The following ZMYM2 variants were observed in gnomAD, a reference collection of about 807,000 sequenced individuals.
The protein encoded by ZMYM2 is zinc finger MYM-type protein 2.
Under a neutral mutation model 162.8 loss-of-function variants are expected in ZMYM2, and 56 were observed. That is an observed-to-expected ratio of 0.34 (90% CI 0.28 to 0.43). ZMYM2 has a LOEUF of 0.43. Ranked by LOEUF, ZMYM2 falls within the 20% of genes least tolerant of loss-of-function variation. The pLI is 1.00. For synonymous variants in ZMYM2, 510 were observed against 541.6 expected (o/e 0.94, Z 0.81); for missense variants, 1,275 against 1,621.8 (o/e 0.79, Z 3.67).
intron 21 of ZMYM2, among the ~76,000 whole-genome samples, chr13:20,074,453 C>G (rs1211480470): frequency 6.6e-6 from 1 of 151,992 alleles, no homozygotes; most frequent in Non-Finnish European, 1.5e-5. Context: ...CCAGTCTGGT[C>G]TCGAACTCCT....
intron 2 of ZMYM2, among the ~76,000 whole-genome samples, chr13:19,979,150 G>T (rs908323157): frequency 6.6e-6 from 1 of 152,056 alleles, no homozygotes; most frequent in Non-Finnish European, 1.5e-5. Context: ...AGGATTCCTT[G>T]AACCAGATGA....
chr13:20,019,354 A>T (rs749941610), intron 6 of ZMYM2, among the ~76,000 whole-genome samples, 193 bp from the exon 7 acceptor site: 5 of 152,130 alleles, frequency 3.3e-5, no homozygotes, highest in Non-Finnish European at 5.9e-5. Flanking sequence ...TTCTAAGATA[A>T]AATTATTTGA....
chr13:19,906,928 G>A, the ZMYM2 span, among the ~76,000 whole-genome samples: 1 of 152,068 alleles, frequency 6.6e-6, no homozygotes, highest in African/African-American at 2.4e-5. Flanking sequence ...GTCTCATTAT[G>A]TTGCCCAGGC....
chr13:19,991,304 G>A (rs1364108175), intron 2 of ZMYM2, among the ~76,000 whole-genome samples: 1 of 151,962 alleles, frequency 6.6e-6, no homozygotes, highest in Non-Finnish European at 1.5e-5. Flanking sequence ...GTATTTAGTA[G>A]ATTTGAGGTC....
intron 7 of ZMYM2, among the ~76,000 whole-genome samples, chr13:20,023,832 T>C (rs1293052830): frequency 6.6e-6 from 1 of 152,252 alleles, no homozygotes; most frequent in African/African-American, 2.4e-5. Context: ...TAATGTTCTT[T>C]CATTAATTGG....
chr13:19,930,266 T>C, the ZMYM2 span, among the ~76,000 whole-genome samples: 1 of 151,974 alleles, frequency 6.6e-6, no homozygotes, highest in African/African-American at 2.4e-5. Context: ...CCGGGCATGG[T>C]GGTGAACACC....
intron 9 of ZMYM2, 74 bp downstream of exon 9, chr13:20,027,392 G>GCTTTAT (rs148238464): frequency 0.061 from 68,689 of 1,132,492 alleles, 3,623 homozygotes; most frequent in African/African-American, 0.21. Context: ...AATATAATAT[G>GCTTTAT]CTTTATTTTA....
At chr13:20,012,888 A>T (rs948945053) in intron 6 of ZMYM2, among the ~76,000 whole-genome samples, 1 of 152,194 alleles carries the variant, frequency 6.6e-6, no homozygotes, top group Non-Finnish European at 1.5e-5. Context: ...GAAATCAGGA[A>T]ATGTGAGTTC....
intron 6 of ZMYM2, among the ~76,000 whole-genome samples, chr13:20,009,120 C>T (rs889175182): frequency 1.3e-5 from 2 of 152,112 alleles, no homozygotes; most frequent in African/African-American, 4.8e-5. Context: ...AAAAATCAGT[C>T]ATAAGAACCA....
At chr13:19,887,354 C>A in the ZMYM2 span, among the ~76,000 whole-genome samples, 5 of 151,436 alleles carry the variant, frequency 3.3e-5, no homozygotes, top group Admixed American at 1.3e-4. Flanking sequence ...CATGGTGAAA[C>A]CTCATCTCTA....
intron 2 of ZMYM2, chr13:19,965,086 T>TA (rs11365422): frequency 6.7e-4 from 189 of 282,924 alleles, no homozygotes; most frequent in Middle Eastern, 1.3e-3. Flanking sequence ...TAAAGTATAA[T>TA]AAAAAAAAAA....
chr13:19,917,129 A>AT, the ZMYM2 span, among the ~76,000 whole-genome samples: 4 of 151,710 alleles, frequency 2.6e-5, no homozygotes, highest in African/African-American at 7.3e-5. Context: ...CGCCCGGCTA[A>AT]TTTTTTGTAT....
At position 20,014,782 on chromosome 13, in the gene ZMYM2, T is replaced by G. The variant is rs866829743; in HGVS notation, c.1513-4765T>G. ...TTTAGGTTTTTTTTTTTTTTTTTTT[T>G]GGGGACAAAGTCTCACTCTATTGCC... On this transcript the variant is annotated intron_variant, in intron 6 of 24. Coordinates refer to ENST00000610343, the MANE Select transcript of ZMYM2 (RefSeq NM_197968.4). Among the ~76,000 whole-genome samples, 615 of 148,318 alleles carry G rather than the reference T, an allele frequency of 4.1e-3. 1 individual carries two copies. Among genetic ancestry groups the G allele is most frequent in the Middle Eastern group, 0.017 (5 of 286 alleles).
chr13:19,925,180 G>A, the ZMYM2 span, among the ~76,000 whole-genome samples: 271 of 152,180 alleles, frequency 1.8e-3, 1 homozygote, highest in African/African-American at 6.1e-3. Flanking sequence ...CACCGTGCCC[G>A]GCAATTTATT....
At chr13:19,945,780 T>TA in the ZMYM2 span, among the ~76,000 whole-genome samples, 111 of 149,366 alleles carry the variant, frequency 7.4e-4, no homozygotes, top group East Asian at 1.6e-3. Context: ...CTGTCTCTAC[T>TA]AAAAAAAAAT....
the ZMYM2 span, among the ~76,000 whole-genome samples, chr13:19,924,422 G>T: frequency 6.6e-6 from 1 of 152,110 alleles, no homozygotes; most frequent in African/African-American, 2.4e-5. Context: ...CTAAAAATTA[G>T]CTGGGTGTGG....
intron 6 of ZMYM2, among the ~76,000 whole-genome samples, chr13:20,014,720 C>T (rs1440575870): frequency 1.5e-5 from 2 of 130,788 alleles, no homozygotes; most frequent in Admixed American, 7.8e-5. Context: ...GTGATCTCGT[C>T]TTTTTCCTCA....
intron 6 of ZMYM2, among the ~76,000 whole-genome samples, chr13:20,017,523 T>C (rs1951726207): frequency 6.6e-6 from 1 of 152,216 alleles, no homozygotes; most frequent in African/African-American, 2.4e-5. Flanking sequence ...TTGCCAAATT[T>C]GAGACATTTC....
chr13:19,970,139 A>G (rs1956172292), intron 2 of ZMYM2: 2 of 817,834 alleles, frequency 2.4e-6, no homozygotes, highest in South Asian at 1.1e-4. Context: ...TATCAAAAAC[A>G]GTCATTACAC....
Sources: gnomAD v4.1 joint callset for allele counts (sites outside exome capture counted in the v4.1 genomes callset) on GRCh38, gnomAD v4.1.1 for gene constraint, MANE v1.5 for transcripts, NCBI Gene and HGNC (gene_info 2026-07-23, HGNC 2026-07-21) for gene names.